CSMD3: variants seen among roughly 807,000 people sequenced by gnomAD.
CSMD3 encodes CUB and Sushi multiple domains 3, also known as CUB and sushi domain-containing protein 3.
Under a neutral mutation model 435.2 loss-of-function variants are expected in CSMD3, and 177 were observed. The ratio of observed to expected loss-of-function variants is 0.41; its 90% confidence interval spans 0.36 to 0.46. CSMD3 has a LOEUF of 0.46. Ranked by LOEUF, CSMD3 falls within the 20% of genes least tolerant of loss-of-function variation. CSMD3 has a pLI of 0.34. For missense variants in CSMD3, 4,265 were observed against 4,504.6 expected, an observed-to-expected ratio of 0.95 and a Z score of 1.52; for synonymous variants, 1,656 against 1,520.5, an observed-to-expected ratio of 1.09 and a Z score of -2.07.
At chr8:112,881,911 T>A (rs958878573) in intron 10 of CSMD3, among the ~76,000 whole-genome samples, 3 of 151,918 alleles carry the variant, frequency 2.0e-5, no homozygotes, top group Non-Finnish European at 4.4e-5. Context: ...ATAATATTTT[T>A]AAAAAATATT....
chr8:112,574,162 T>A (rs776052662), intron 23 of CSMD3, among the ~76,000 whole-genome samples: 3 of 152,148 alleles, frequency 2.0e-5, no homozygotes, highest in African/African-American at 4.8e-5. Context: ...GAGGTCTAAA[T>A]GCTTTTAGAA....
In CSMD3 at chr8:113,057,120, C is replaced by T. The variant is rs1465546740; in HGVS notation, c.918-37941G>A. 1.3e-5 allele frequency among the ~76,000 whole-genome samples: 2 copies of T among 152,130 alleles called. 1 individual carries two copies. The highest frequency in any genetic ancestry group is 4.2e-4 in the South Asian group (2 of 4,818). Reference sequence around the variant, plus strand: ...TCAGTTATCTACTCAAAAGCTTATTCCTCAAATGGCTGTACTACAATGTCT... The same window carrying T: ...TCAGTTATCTACTCAAAAGCTTATTTCTCAAATGGCTGTACTACAATGTCT... On this transcript the variant is annotated intron_variant, in intron 5 of 70. Coordinates refer to ENST00000297405, the MANE Select transcript of CSMD3 (RefSeq NM_198123.2).
chr8:112,928,125 T>C (rs536499956), intron 9 of CSMD3, among the ~76,000 whole-genome samples: 1 of 152,232 alleles, frequency 6.6e-6, no homozygotes, highest in Non-Finnish European at 1.5e-5. Context: ...TATATACTTC[T>C]ATGAAACATA....
intron 3 of CSMD3, among the ~76,000 whole-genome samples, chr8:113,205,442 T>C (rs984957034): frequency 2.0e-5 from 3 of 152,096 alleles, no homozygotes; most frequent in African/African-American, 7.2e-5. Flanking sequence ...AGCCAAACCA[T>C]ATCACATGCT....
rs144781205 is a variant in CSMD3 at position 112,358,050 on chromosome 8, G to A, written c.6137-5516C>T. Among the ~76,000 whole-genome samples, 965 of 152,282 alleles carry A rather than the reference G, an allele frequency of 6.3e-3. 4 individuals are homozygous for A. The highest frequency in any genetic ancestry group is 0.011 in the Non-Finnish European group (774 of 68,018). ...AGGCTGTACCCTGCAGAGCCACGAG[G>A]GTGGAGCTTCCTAAGAGGGAACCTA... On this transcript the variant is annotated intron_variant, in intron 38 of 70. Transcript: ENST00000297405.
At chr8:113,169,191 ATTT>A (rs1390031295) in intron 4 of CSMD3, among the ~76,000 whole-genome samples, 1 of 152,158 alleles carries the variant, frequency 6.6e-6, no homozygotes, top group Non-Finnish European at 1.5e-5. Context: ...TTCATCAGTC[ATTT>A]CTCTAACACA....
intron 30 of CSMD3, among the ~76,000 whole-genome samples, chr8:112,495,265 G>T (rs1821222483): frequency 6.6e-6 from 1 of 152,170 alleles, no homozygotes; most frequent in African/African-American, 2.4e-5. Flanking sequence ...AGTCCCTGGA[G>T]GGTAGAGGAA....
At chr8:112,715,031 A>G (rs1425016002) in intron 13 of CSMD3, among the ~76,000 whole-genome samples, 1 of 152,170 alleles carries the variant, frequency 6.6e-6, no homozygotes, top group Non-Finnish European at 1.5e-5. Flanking sequence ...AAACAAGAGC[A>G]AATAAATCCA....
chr8:112,766,946 T>C (rs1162918102), intron 13 of CSMD3, among the ~76,000 whole-genome samples: 3 of 151,792 alleles, frequency 2.0e-5, no homozygotes, highest in African/African-American at 2.4e-5. Flanking sequence ...AAAATATAAA[T>C]AGTGACTTAG....
intron 6 of CSMD3, 158 bp downstream of exon 6, chr8:113,018,909 T>A (rs1344986850): frequency 3.1e-6 from 2 of 652,172 alleles, no homozygotes; most frequent in Non-Finnish European, 5.5e-6. Flanking sequence ...TGTAATTTAG[T>A]TATGATCACA....
At chr8:112,884,317 A>G (rs1424210229) in intron 10 of CSMD3, among the ~76,000 whole-genome samples, 2 of 151,808 alleles carry the variant, frequency 1.3e-5, no homozygotes, top group African/African-American at 4.8e-5. Flanking sequence ...GTGATAAAAA[A>G]TAGTGAACTT....
At chr8:112,675,595 A>T (rs1160222276) in intron 16 of CSMD3, among the ~76,000 whole-genome samples, 3 of 152,112 alleles carry the variant, frequency 2.0e-5, no homozygotes, top group African/African-American at 7.2e-5. Flanking sequence ...GACTCAGAGG[A>T]GAAATAATTA....
Position 113,004,357 on chromosome 8 carries a change from T to C in CSMD3, c.1030+14710A>G, listed in dbSNP as rs553459386. ...TAGCATGAAAATACATTATAAATTA[T>C]ACAGGAAGAATTCTCACAGGAAGAT... On this transcript the variant is annotated intron_variant, in intron 6 of 70. Transcript: ENST00000297405. Among the ~76,000 whole-genome samples, 6 of 152,098 alleles carry C rather than the reference T, an allele frequency of 3.9e-5. No individual in the cohort carries two copies. The South Asian group carries it at 1.0e-3, about 26-fold the overall frequency.
intron 13 of CSMD3, among the ~76,000 whole-genome samples, chr8:112,691,082 CA>C: frequency 6.6e-6 from 1 of 152,096 alleles, no homozygotes. Flanking sequence ...ATTATCTTCA[CA>C]AAAACTATGC....
rs2129836527 is a variant in CSMD3, at chr8:112,228,818, A to T, written c.10902T>A (p.Ala3634=). ...TAAGTGCAAAAAAAGGCACAAGAAT[A>T]GCAATGGCTACAGAACTACTATTTG... ...HGTNSSSVAI[A]ILVPFFALIF... Residue 3634 remains alanine (A), a synonymous_variant, in exon 70 of 71, where the codon GCT becomes GCA. Transcript: ENST00000297405. 6.3e-7 allele frequency: 1 copy of T among 1,590,942 alleles called. No homozygotes were observed. Among genetic ancestry groups the T allele is most frequent in the Non-Finnish European group, 8.6e-7 (1 of 1,159,530 alleles).
At chr8:112,627,391 T>C (rs548673525) in intron 22 of CSMD3, among the ~76,000 whole-genome samples, 36 of 152,262 alleles carry the variant, frequency 2.4e-4, no homozygotes, top group Admixed American at 1.6e-3. Flanking sequence ...TCTGGCACTT[T>C]CGTAATTCTT....
intron 3 of CSMD3, among the ~76,000 whole-genome samples, chr8:113,265,532 A>G (rs2093462626): frequency 6.6e-6 from 1 of 151,652 alleles, no homozygotes; most frequent in Non-Finnish European, 1.5e-5. Context: ...CATCTATAGT[A>G]TTGCTAATCT....
intron 58 of CSMD3, among the ~76,000 whole-genome samples, chr8:112,282,255 C>T (rs1030956576): frequency 1.3e-5 from 2 of 151,238 alleles, no homozygotes; most frequent in South Asian, 2.1e-4. Flanking sequence ...TGTGTGCATG[C>T]GCGTATGTGT....
chr8:113,137,140 C>T (rs551647436), intron 4 of CSMD3, among the ~76,000 whole-genome samples: 8 of 151,716 alleles, frequency 5.3e-5, no homozygotes, highest in East Asian at 1.9e-4. Context: ...AGAAATCAGA[C>T]AGCAATGTTT....
Sources: gnomAD v4.1 joint callset for allele counts (sites outside exome capture counted in the v4.1 genomes callset) on GRCh38, gnomAD v4.1.1 for gene constraint, MANE v1.5 for transcripts, NCBI Gene and HGNC (gene_info 2026-07-23, HGNC 2026-07-21) for gene names.